KCNQ5: variants seen among roughly 807,000 people sequenced by gnomAD.
KCNQ5 encodes the protein potassium voltage-gated channel subfamily KQT member 5.
A neutral mutation model predicts 98.2 loss-of-function variants in KCNQ5; 30 were observed. That is an observed-to-expected ratio of 0.31 (90% CI 0.23 to 0.41). KCNQ5 has a LOEUF of 0.41. Among genes scored for constraint, KCNQ5 ranks in the 10% least tolerant of loss-of-function variants. The pLI, the probability that KCNQ5 is intolerant of heterozygous loss-of-function variation, is 1.00. For missense variants in KCNQ5, 835 were observed against 1,182.5 expected, an observed-to-expected ratio of 0.71 and a Z score of 4.31; for synonymous variants, 458 against 449.4, an observed-to-expected ratio of 1.02 and a Z score of -0.24.
intron 1 of KCNQ5, among the ~76,000 whole-genome samples, chr6:72,927,318 A>AT (rs1006493732): frequency 2.0e-4 from 31 of 152,084 alleles, no homozygotes; most frequent in African/African-American, 7.2e-4. Flanking sequence ...CAAGCTTCAA[A>AT]TTTTTTTCAG....
intron 1 of KCNQ5, among the ~76,000 whole-genome samples, chr6:72,756,837 A>G (rs1337991348): frequency 6.6e-6 from 1 of 152,120 alleles, no homozygotes; most frequent in Admixed American, 6.6e-5. Flanking sequence ...ATTTATATAT[A>G]TACAAATGAA....
At chr6:72,706,143 T>A (rs1325770198) in intron 1 of KCNQ5, among the ~76,000 whole-genome samples, 1 of 152,046 alleles carries the variant, frequency 6.6e-6, no homozygotes, top group Non-Finnish European at 1.5e-5. Context: ...GGTATAGTTA[T>A]GTCTTTTCTT....
intron 2 of KCNQ5, among the ~76,000 whole-genome samples, chr6:73,027,491 A>G (rs1024697123): frequency 5.9e-5 from 9 of 152,222 alleles, no homozygotes; most frequent in African/African-American, 1.7e-4. Context: ...CATATCTCCT[A>G]TCAATTTTCC....
rs1272169228 is a variant in KCNQ5 at position 73,077,924 on chromosome 6, T to G, written c.918+37T>G. 7 of 1,537,950 alleles carry G rather than the reference T, an allele frequency of 4.6e-6. No individual in the cohort carries two copies. In the South Asian group the frequency reaches 8.8e-5, roughly 19 times the overall value. On this transcript the variant is annotated intron_variant, in intron 5 of 13. Coordinates refer to ENST00000370398, the MANE Select transcript of KCNQ5 (RefSeq NM_019842.4). ...AATACATTTTTTATTTATTGGATGT[T>G]GTGAATTGTTTTTTTTTAATACAAC...
intron 7 of KCNQ5, among the ~76,000 whole-genome samples, chr6:73,113,765 CA>C (rs1439295714): frequency 6.6e-6 from 1 of 152,260 alleles, no homozygotes; most frequent in African/African-American, 2.4e-5. Context: ...GCCTCCCTCA[CA>C]GGTAACCCTG....
Position 72,731,431 on chromosome 6 carries a change from A to G in KCNQ5, c.398+108844A>G, listed in dbSNP as rs60334672. On this transcript the variant is annotated intron_variant, in intron 1 of 13. Transcript: ENST00000370398. The stretch of plus-strand genomic sequence containing the variant: ...GTGTCTTTCAACACAATAAAGGTTT[A>G]TTTTTCTCTCATGTAAATGAGTTAT... Among the ~76,000 whole-genome samples, 458 of 152,308 alleles carry G rather than the reference A, an allele frequency of 3.0e-3. 4 individuals carry two copies. The highest frequency in any genetic ancestry group is 0.01 in the African/African-American group (420 of 41,576).
At chr6:72,713,346 C>T (rs964757882) in intron 1 of KCNQ5, among the ~76,000 whole-genome samples, 1 of 152,162 alleles carries the variant, frequency 6.6e-6, no homozygotes, top group African/African-American at 2.4e-5. Context: ...AAAGGCTTTT[C>T]CTATCTTTGA....
intron 1 of KCNQ5, among the ~76,000 whole-genome samples, chr6:72,797,054 C>A (rs9442850): frequency 0.2 from 30,551 of 152,086 alleles, 5,313 homozygotes; most frequent in African/African-American, 0.48. Context: ...TCTTTTAGGA[C>A]AATCGAATTA....
chr6:73,128,968 A>G (rs1776109782), intron 9 of KCNQ5, among the ~76,000 whole-genome samples: 1 of 151,944 alleles, frequency 6.6e-6, no homozygotes, highest in African/African-American at 2.4e-5. Context: ...GAACTCTAGA[A>G]CCCTGGTGGA....
At chr6:72,661,405 A>G (rs1462171057) in intron 1 of KCNQ5, among the ~76,000 whole-genome samples, 2 of 152,138 alleles carry the variant, frequency 1.3e-5, no homozygotes, top group African/African-American at 2.4e-5. Flanking sequence ...ACAATTAATA[A>G]AAAGTGAATG....
At chr6:72,627,658 G>A (rs757563067) in intron 1 of KCNQ5, among the ~76,000 whole-genome samples, 1 of 152,118 alleles carries the variant, frequency 6.6e-6, no homozygotes, top group Non-Finnish European at 1.5e-5. Context: ...AGTAGTGTAG[G>A]TTAGACTCCA....
chr6:72,892,837 G>T (rs981005488), intron 1 of KCNQ5, among the ~76,000 whole-genome samples: 3 of 151,576 alleles, frequency 2.0e-5, no homozygotes, highest in African/African-American at 4.9e-5. Context: ...TCAGAGTTGG[G>T]TTTTTTTTCC....
chr6:72,812,909 T>C (rs957329969), intron 1 of KCNQ5, among the ~76,000 whole-genome samples: 10 of 152,208 alleles, frequency 6.6e-5, no homozygotes, highest in Non-Finnish European at 1.0e-4. Flanking sequence ...GGAAACACTA[T>C]TTTTCTAATT....
intron 1 of KCNQ5, among the ~76,000 whole-genome samples, chr6:72,755,632 C>T (rs1467103081): frequency 1.3e-5 from 2 of 152,144 alleles, no homozygotes; most frequent in Admixed American, 6.5e-5. Flanking sequence ...ATTCCATTTA[C>T]TCCTTTCCAT....
chr6:72,979,384 G>C (rs1016360327), intron 1 of KCNQ5, among the ~76,000 whole-genome samples: 5 of 152,162 alleles, frequency 3.3e-5, no homozygotes, highest in Non-Finnish European at 5.9e-5. Flanking sequence ...GTGTGAGATG[G>C]TATCTCATTG....
intron 1 of KCNQ5, among the ~76,000 whole-genome samples, chr6:72,897,212 T>A (rs2150189340): frequency 6.6e-6 from 1 of 152,166 alleles, no homozygotes; most frequent in East Asian, 1.9e-4. Context: ...ACATGGCTTC[T>A]GTGATGGAAA....
intron 1 of KCNQ5, among the ~76,000 whole-genome samples, chr6:72,628,993 C>G (rs1307900141): frequency 6.6e-6 from 1 of 152,092 alleles, no homozygotes; most frequent in East Asian, 1.9e-4. Flanking sequence ...GCTTGTCTCT[C>G]CCCTCAACCC....
In KCNQ5 at chr6:73,157,854, TG is replaced by T. The variant is rs1176273965; in HGVS notation, c.1469-11889del. On this transcript the variant is annotated intron_variant, in intron 10 of 13. Coordinates refer to ENST00000370398, the MANE Select transcript of KCNQ5 (RefSeq NM_019842.4). ...TGGCAAACTCTAGCCTCATGATCTG[TG>T]GGTTTTCGGGATCTAAGCGAATATC... 7.7e-6 allele frequency: 6 copies of T among 779,470 alleles called. No homozygotes were observed. The Admixed American group carries it at 1.0e-4, about 13-fold the overall frequency. The allele number at this position is 779,470 out of a possible 1,614,324, so 48.3% of individuals were successfully genotyped here.
chr6:72,722,719 A>C (rs1195730417), intron 1 of KCNQ5, among the ~76,000 whole-genome samples: 1 of 152,170 alleles, frequency 6.6e-6, no homozygotes, highest in Non-Finnish European at 1.5e-5. Context: ...TGTTGTTGAC[A>C]TTTTATTAAT....
Sources: allele counts gnomAD v4.1 joint callset (sites outside exome capture counted in the v4.1 genomes callset), GRCh38; gene constraint gnomAD v4.1.1; transcripts MANE v1.5; gene names NCBI Gene and HGNC (gene_info 2026-07-23, HGNC 2026-07-21).